Variants in TDRD9 observed in about 807,000 individuals in gnomAD.
TDRD9 encodes tudor domain containing 9.
Under a neutral mutation model 172.6 loss-of-function variants are expected in TDRD9, and 124 were observed. That is an observed-to-expected ratio of 0.72 (90% CI 0.62 to 0.83). The LOEUF (loss-of-function observed/expected upper bound fraction) is 0.83, where lower values mean the gene tolerates loss of function less well. Among genes scored for constraint, TDRD9 ranks in the 40% least tolerant of loss-of-function variants. The probability of loss-of-function intolerance (pLI) is 0.00; values close to 1 mark genes in which losing one functional copy is unlikely to be tolerated. For synonymous variants in TDRD9, 619 were observed against 617.1 expected (o/e 1.00, Z -0.05); for missense variants, 1,479 against 1,714.1 (o/e 0.86, Z 2.42).
chr14:103,986,273 T>C lies in TDRD9; in HGVS notation c.1068T>C (p.Ala356=), dbSNP rs1167211700. 15 of 1,613,446 alleles carry C rather than the reference T, an allele frequency of 9.3e-6. No individual in the cohort carries two copies. Among genetic ancestry groups the C allele is most frequent in the Non-Finnish European group, 1.3e-5 (15 of 1,179,618 alleles). ...TAACTAAGGATATATATGAAGTTGC[T>C]GTCTCTCTCATTCAGATGTTTGATG... ...PVITKDIYEV[A]VSLIQMFDDL... The change falls in exon 8 of 36, where the codon GCT becomes GCC. Residue 356 remains alanine (A), a synonymous_variant. Coordinates refer to ENST00000409874, the MANE Select transcript of TDRD9 (RefSeq NM_153046.3).
chr14:103,996,499 T>A (rs1211451735), intron 12 of TDRD9, among the ~76,000 whole-genome samples: 1 of 152,178 alleles, frequency 6.6e-6, no homozygotes, highest in East Asian at 1.9e-4. Flanking sequence ...AGATAGGATC[T>A]TTCAGATAGG....
chr14:103,943,682 C>T (rs1375893929), intron 1 of TDRD9, among the ~76,000 whole-genome samples: 2 of 152,014 alleles, frequency 1.3e-5, no homozygotes, highest in Admixed American at 6.6e-5. Context: ...TTGTCTTTTG[C>T]TAAAGAGTAG....
intron 9 of TDRD9, among the ~76,000 whole-genome samples, chr14:103,993,471 A>T (rs1056002685): frequency 6.6e-6 from 1 of 152,224 alleles, no homozygotes; most frequent in African/African-American, 2.4e-5. Flanking sequence ...GCTGTAACAA[A>T]GTGCCACAAG....
intron 1 of TDRD9, among the ~76,000 whole-genome samples, chr14:103,935,600 G>C (rs2152115880): frequency 6.6e-6 from 1 of 152,310 alleles, no homozygotes; most frequent in Non-Finnish European, 1.5e-5. Flanking sequence ...CTAGACACTG[G>C]GAAGTTTAAC....
intron 6 of TDRD9, among the ~76,000 whole-genome samples, chr14:103,974,540 T>C (rs2033160083): frequency 6.6e-6 from 1 of 152,256 alleles, no homozygotes; most frequent in Non-Finnish European, 1.5e-5. Context: ...CTCCAGTTTC[T>C]TGAGTTGGAG....
chr14:103,933,641 C>G (rs2030550480), intron 1 of TDRD9, among the ~76,000 whole-genome samples: 1 of 152,206 alleles, frequency 6.6e-6, no homozygotes, highest in Non-Finnish European at 1.5e-5. Context: ...CTCCTGAGCT[C>G]AAGCAATCTG....
chr14:104,021,851 A>G (rs879696373), intron 23 of TDRD9, among the ~76,000 whole-genome samples: 5 of 152,170 alleles, frequency 3.3e-5, no homozygotes, highest in Admixed American at 3.3e-4. Flanking sequence ...GCAATTATGA[A>G]AGTAATTATG....
chr14:104,013,888 G>C (rs1942423328), intron 20 of TDRD9: 1 of 150,884 alleles, frequency 6.6e-6, no homozygotes, highest in African/African-American at 2.5e-5. Flanking sequence ...CCTGTGAATA[G>C]CCACTGCACT....
At chr14:104,001,765 C>T (rs981270533) in intron 13 of TDRD9, among the ~76,000 whole-genome samples, 5 of 152,032 alleles carry the variant, frequency 3.3e-5, no homozygotes, top group East Asian at 1.9e-4. Context: ...TGCCCCACCA[C>T]GCCCAGCTAA....
In TDRD9 at chr14:103,943,433, G is replaced by A. The variant is rs142471223; in HGVS notation, c.216-12231G>A. Among the ~76,000 whole-genome samples the A allele has an allele frequency of 7.0e-4, 104 of 149,118 alleles. No individual in the cohort carries two copies. The East Asian group carries it at 7.8e-3, about 11-fold the overall frequency. On this transcript the variant is annotated intron_variant, in intron 1 of 35. Transcript: ENST00000409874. ...TATATATACACATAAGTATATATACGCATATGTATATGTATTATATATGTA... is the reference window on the plus strand; with the variant it reads ...TATATATACACATAAGTATATATACACATATGTATATGTATTATATATGTA...
At chr14:103,950,850 A>G (rs1296695411) in intron 1 of TDRD9, among the ~76,000 whole-genome samples, 1 of 152,228 alleles carries the variant, frequency 6.6e-6, no homozygotes, top group Non-Finnish European at 1.5e-5. Context: ...AAAAGACTCT[A>G]CAAAACCCAC....
chr14:103,971,677 G>C (rs767463003), intron 6 of TDRD9, among the ~76,000 whole-genome samples: 1 of 152,144 alleles, frequency 6.6e-6, no homozygotes, highest in Non-Finnish European at 1.5e-5. Context: ...TAGTACACCA[G>C]ATCTTGCCAG....
At chr14:104,046,048 C>T (rs1170446143) in intron 34 of TDRD9, among the ~76,000 whole-genome samples, 1 of 152,194 alleles carries the variant, frequency 6.6e-6, no homozygotes, top group Non-Finnish European at 1.5e-5. Context: ...CCTCCACCTC[C>T]TGGGTTCAAG....
chr14:104,010,569 CT>C (rs147141939), intron 20 of TDRD9, among the ~76,000 whole-genome samples: 46,003 of 134,688 alleles, frequency 0.34, 7,216 homozygotes, highest in East Asian at 0.37. Flanking sequence ...TGTTTGTTTC[CT>C]TTTTTTTTTT....
chr14:104,006,380 T>C lies in TDRD9; in HGVS notation c.1714-9T>C. 1 of 1,610,102 alleles carries C rather than the reference T, an allele frequency of 6.2e-7. No individual in the cohort carries two copies. The highest frequency in any genetic ancestry group is 8.5e-7 in the Non-Finnish European group (1 of 1,178,000). On this transcript the variant is annotated splice_polypyrimidine_tract_variant and intron_variant, in intron 15 of 35. Transcript: ENST00000409874. ...TGCTTGATAATAACACTAATTTTAT[T>C]TTATAAAGGTTGGAGCACTTGCAGT...
intron 1 of TDRD9, among the ~76,000 whole-genome samples, chr14:103,947,998 G>A (rs1348747516): frequency 2.0e-5 from 3 of 152,074 alleles, no homozygotes; most frequent in African/African-American, 4.8e-5. Flanking sequence ...TTCCCAAAAT[G>A]CAACAAGAAA....
intron 28 of TDRD9, among the ~76,000 whole-genome samples, chr14:104,029,957 A>T (rs1283319537): frequency 6.6e-6 from 1 of 152,188 alleles, no homozygotes; most frequent in Non-Finnish European, 1.5e-5. Flanking sequence ...TTTGAAGCTC[A>T]TGTTGAAGGT....
At chr14:104,034,905 C>A in intron 31 of TDRD9, 55 bp from the exon 32 acceptor site, 1 of 1,418,938 alleles carries the variant, frequency 7.0e-7, no homozygotes, top group Non-Finnish European at 9.7e-7. Context: ...GGAGGGAACG[C>A]TGCCCTGAGC....
At chr14:103,998,802 T>A in intron 13 of TDRD9, 74 bp downstream of exon 13, 1 of 797,532 alleles carries the variant, frequency 1.3e-6, no homozygotes, top group Non-Finnish European at 2.1e-6. Context: ...TTTTTTTTTT[T>A]TTTTCTCTGA....
Sources: gnomAD v4.1 joint callset for allele counts (sites outside exome capture counted in the v4.1 genomes callset) on GRCh38, gnomAD v4.1.1 for gene constraint, MANE v1.5 for transcripts, NCBI Gene and HGNC (gene_info 2026-07-23, HGNC 2026-07-21) for gene names.